SPIDR: variants seen among roughly 807,000 people sequenced by gnomAD.
The protein encoded by SPIDR is scaffold protein involved in DNA repair.
In SPIDR, 93 loss-of-function variants were observed where a neutral mutation model predicts 104.6. The ratio of observed to expected loss-of-function variants is 0.89; its 90% confidence interval spans 0.75 to 1.06. SPIDR has a LOEUF of 1.06. Among genes scored for constraint, SPIDR ranks in the 50% least tolerant of loss-of-function variants. The pLI, the probability that SPIDR is intolerant of heterozygous loss-of-function variation, is 0.00. For synonymous variants in SPIDR, 431 were observed against 416.9 expected, an observed-to-expected ratio of 1.03 and a Z score of -0.41; for missense variants, 1,154 against 1,111.2, an observed-to-expected ratio of 1.04 and a Z score of -0.55.
chr8:47,440,249 A>C, intron 7 of SPIDR, 74 bp from the exon 8 acceptor site: 2 of 1,347,238 alleles, frequency 1.5e-6, no homozygotes, highest in South Asian at 2.6e-5. Flanking sequence ...TCTTTTTTTC[A>C]TGACACTTTA....
chr8:47,343,804 T>C (rs1554615559), intron 5 of SPIDR, among the ~76,000 whole-genome samples: 1 of 152,110 alleles, frequency 6.6e-6, no homozygotes, highest in Admixed American at 6.5e-5. Context: ...CAGTTAATTC[T>C]TAAGAATACA....
rs1008473617 is a variant in SPIDR at position 47,614,749 on chromosome 8, G to A, written c.1544+15553G>A. Among the ~76,000 whole-genome samples the A allele has an allele frequency of 3.9e-5, 6 of 152,230 alleles. No individual in the cohort carries two copies. The Middle Eastern group carries it at 0.014, about 345-fold the overall frequency. ...ATTGCTGAGTCAAATGGTATTTCTGGTTCTAGGTCTTTGAGGAATCACCAC... is the reference window on the plus strand; with the variant it reads ...ATTGCTGAGTCAAATGGTATTTCTGATTCTAGGTCTTTGAGGAATCACCAC... On this transcript the variant is annotated intron_variant, in intron 10 of 19. Coordinates refer to ENST00000297423, the MANE Select transcript of SPIDR (RefSeq NM_001080394.4).
chr8:47,553,476 T>C (rs2090882005), intron 8 of SPIDR, among the ~76,000 whole-genome samples: 1 of 152,196 alleles, frequency 6.6e-6, no homozygotes, highest in South Asian at 2.1e-4. Flanking sequence ...CTTCTCTTCT[T>C]GCTTCATTTC....
At chr8:47,556,048 C>T (rs563393412) in intron 8 of SPIDR, among the ~76,000 whole-genome samples, 1 of 152,216 alleles carries the variant, frequency 6.6e-6, no homozygotes, top group African/African-American at 2.4e-5. Context: ...CACAGATGCC[C>T]AATTTCTGAT....
At chr8:47,347,816 G>A (rs782741183) in intron 5 of SPIDR, among the ~76,000 whole-genome samples, 2 of 151,850 alleles carry the variant, frequency 1.3e-5, no homozygotes, top group Non-Finnish European at 2.9e-5. Flanking sequence ...ATCTTCCTCC[G>A]TTCCTTTGTT....
chr8:47,375,227 A>G (rs191249495), intron 5 of SPIDR, among the ~76,000 whole-genome samples: 71 of 144,990 alleles, frequency 4.9e-4, no homozygotes, highest in African/African-American at 1.8e-3. Flanking sequence ...GTTAAGAGTT[A>G]ATAGGCTTTT....
intron 8 of SPIDR, among the ~76,000 whole-genome samples, chr8:47,514,509 TTTCAG>T (rs1304099946): frequency 6.6e-6 from 1 of 152,174 alleles, no homozygotes; most frequent in Non-Finnish European, 1.5e-5. Flanking sequence ...TAGTGTTACT[TTTCAG>T]TTACTATGGT....
chr8:47,679,807 G>A (rs894624799), intron 11 of SPIDR, among the ~76,000 whole-genome samples: 2 of 152,264 alleles, frequency 1.3e-5, no homozygotes, highest in South Asian at 2.1e-4. Context: ...TTGCCTGCTG[G>A]TTGGTAGGCT....
At chr8:47,527,594 C>T (rs2085228029) in intron 8 of SPIDR, 2 of 152,248 alleles carry the variant, frequency 1.3e-5, no homozygotes, top group South Asian at 4.1e-4. Flanking sequence ...CTTCGGAAAA[C>T]ACTCTAGCAA....
chr8:47,535,975 A>G (rs2086835131), intron 8 of SPIDR, among the ~76,000 whole-genome samples: 1 of 152,180 alleles, frequency 6.6e-6, no homozygotes, highest in African/African-American at 2.4e-5. Context: ...GCAAGGCTGC[A>G]GAATATGTTA....
intron 8 of SPIDR, among the ~76,000 whole-genome samples, chr8:47,466,596 C>CA (rs1485954566): frequency 6.6e-6 from 1 of 152,034 alleles, no homozygotes; most frequent in Admixed American, 6.6e-5. Flanking sequence ...TGCAGTGGCT[C>CA]ACGCCTGTAA....
At chr8:47,661,051 G>C in intron 10 of SPIDR, 1 of 763,326 alleles carries the variant, frequency 1.3e-6, no homozygotes, top group Non-Finnish European at 1.6e-6. Context: ...TGTGGTGCCT[G>C]CTCCCCTGCA....
chr8:47,463,031 C>A (rs1197266064), intron 8 of SPIDR, among the ~76,000 whole-genome samples: 3 of 151,990 alleles, frequency 2.0e-5, no homozygotes, highest in African/African-American at 7.3e-5. Context: ...TCTGAATAGA[C>A]CTATAACTGG....
chr8:47,361,609 T>A (rs1343300701), intron 5 of SPIDR, among the ~76,000 whole-genome samples: 1 of 152,256 alleles, frequency 6.6e-6, no homozygotes, highest in Non-Finnish European at 1.5e-5. Context: ...TCTCAGACGC[T>A]TCTGCCACCT....
Position 47,427,318 on chromosome 8 carries a change from T to A in SPIDR, c.878-13005T>A, listed in dbSNP as rs910759753. Among the ~76,000 whole-genome samples the A allele has an allele frequency of 1.0e-4, 15 of 150,730 alleles. 1 individual carries two copies. Among genetic ancestry groups the A allele is most frequent in the African/African-American group, 2.7e-4 (11 of 41,368 alleles). ...GGGTTGGGACAGGGTTTTTTTTTTT[T>A]AAATATGCCTTTTACAAAAAAAGAA... On this transcript the variant is annotated intron_variant, in intron 7 of 19. Transcript: ENST00000297423.
At chr8:47,430,169 C>T (rs1163335043) in intron 7 of SPIDR, among the ~76,000 whole-genome samples, 4 of 152,198 alleles carry the variant, frequency 2.6e-5, no homozygotes, top group South Asian at 4.2e-4. Context: ...CGGTAATGGT[C>T]GCTCTGTGTT....
At chr8:47,523,563 A>G (rs2084505244) in intron 8 of SPIDR, among the ~76,000 whole-genome samples, 1 of 152,218 alleles carries the variant, frequency 6.6e-6, no homozygotes, top group Admixed American at 6.5e-5. Flanking sequence ...CCTCAAGTCC[A>G]GCCAGTACAG....
At chr8:47,371,342 C>T (rs1376535133) in intron 5 of SPIDR, among the ~76,000 whole-genome samples, 3 of 152,118 alleles carry the variant, frequency 2.0e-5, no homozygotes, top group Non-Finnish European at 4.4e-5. Flanking sequence ...AGGTTGGAGC[C>T]CACTGGTCAC....
intron 14 of SPIDR, among the ~76,000 whole-genome samples, chr8:47,706,279 G>C (rs1188159223): frequency 6.6e-6 from 1 of 152,162 alleles, no homozygotes; most frequent in Non-Finnish European, 1.5e-5. Context: ...TGTAGTCCCA[G>C]CTACTTGGGA....
Sources: gnomAD v4.1 joint callset for allele counts (sites outside exome capture counted in the v4.1 genomes callset) on GRCh38, gnomAD v4.1.1 for gene constraint, MANE v1.5 for transcripts, NCBI Gene and HGNC (gene_info 2026-07-23, HGNC 2026-07-21) for gene names.